Variants in WWOX observed in about 807,000 individuals in gnomAD.
The protein encoded by WWOX is WW domain containing oxidoreductase, also known as WW domain-containing oxidoreductase.
A neutral mutation model predicts 46.2 loss-of-function variants in WWOX; 69 were observed. The observed-to-expected ratio is 1.49, with a 90% confidence interval of 1.23 to 1.82. The LOEUF (loss-of-function observed/expected upper bound fraction) is 1.82. Among genes scored for constraint, WWOX ranks in the 40% most tolerant of loss-of-function variants. WWOX has a pLI of 0.00. For missense variants in WWOX, 919 were observed against 542.6 expected, an observed-to-expected ratio of 1.69 and a Z score of -6.89; for synonymous variants, 359 against 202.6, an observed-to-expected ratio of 1.77 and a Z score of -6.56.
chr16:79,071,199 T>C (rs2048543960), intron 8 of WWOX, among the ~76,000 whole-genome samples: 1 of 152,240 alleles, frequency 6.6e-6, no homozygotes, highest in Non-Finnish European at 1.5e-5. Context: ...TAAGGGGCTT[T>C]GTTGTTCAGG....
At chr16:78,969,425 C>G (rs1194098305) in intron 8 of WWOX, among the ~76,000 whole-genome samples, 1 of 152,038 alleles carries the variant, frequency 6.6e-6, no homozygotes, top group African/African-American at 2.4e-5. Context: ...GCACATGCCA[C>G]CATGCCCAGC....
chr16:79,141,612 C>T (rs182798312), intron 8 of WWOX, among the ~76,000 whole-genome samples: 208 of 152,350 alleles, frequency 1.4e-3, no homozygotes, highest in African/African-American at 4.8e-3. Flanking sequence ...CAAAAATGTC[C>T]TCCAAAGAAG....
intron 5 of WWOX, among the ~76,000 whole-genome samples, chr16:78,324,898 T>G (rs1214754840): frequency 6.6e-6 from 1 of 152,174 alleles, no homozygotes; most frequent in Non-Finnish European, 1.5e-5. Flanking sequence ...TTATACAATT[T>G]TAAATGGGTG....
At chr16:78,967,227 G>T (rs932209522) in intron 8 of WWOX, among the ~76,000 whole-genome samples, 1 of 149,960 alleles carries the variant, frequency 6.7e-6, no homozygotes, top group Non-Finnish European at 1.5e-5. Flanking sequence ...AAATCATGTT[G>T]CAAGTGGATG....
At chr16:79,017,087 G>A (rs1193087811) in intron 8 of WWOX, 2 of 152,114 alleles carry the variant, frequency 1.3e-5, no homozygotes, top group East Asian at 1.9e-4. Flanking sequence ...GTCCCTCTGT[G>A]TTCTCTAGCT....
intron 6 of WWOX, among the ~76,000 whole-genome samples, chr16:78,418,209 A>G (rs1172392535): frequency 6.6e-6 from 1 of 151,822 alleles, no homozygotes; most frequent in Non-Finnish European, 1.5e-5. Flanking sequence ...AAATACAAAA[A>G]CAAGATTAGT....
At chr16:78,218,424 A>G (rs771911695) in intron 5 of WWOX, among the ~76,000 whole-genome samples, 5 of 152,036 alleles carry the variant, frequency 3.3e-5, no homozygotes, top group African/African-American at 4.8e-5. Context: ...CAATTCATGT[A>G]AATGTGTGTA....
At chr16:79,024,726 T>A (rs2550707) in intron 8 of WWOX, among the ~76,000 whole-genome samples, 1 of 151,880 alleles carries the variant, frequency 6.6e-6, no homozygotes, top group Admixed American at 6.6e-5. Context: ...TGAGCCACCA[T>A]GCCTGGCCCT....
intron 8 of WWOX, among the ~76,000 whole-genome samples, chr16:79,124,556 C>A (rs144217573): frequency 1.2e-4 from 19 of 152,080 alleles, no homozygotes; most frequent in Non-Finnish European, 2.6e-4. Flanking sequence ...TTTTGTTATA[C>A]CCGAAGTGCA....
At chr16:79,005,266 A>G (rs4888008) in intron 8 of WWOX, among the ~76,000 whole-genome samples, 151,400 of 152,252 alleles carry the variant, frequency 0.99, 75,279 homozygotes, top group East Asian at 1. Flanking sequence ...ATCTCCAGCC[A>G]AAGTCCAAGG....
Position 79,181,755 on chromosome 16 carries a change from G to A in WWOX, c.1057-29853G>A, listed in dbSNP as rs558225689. On this transcript the variant is annotated intron_variant, in intron 8 of 8. Transcript: ENST00000566780. Reference sequence around the variant, plus strand: ...GTTCTAGAAGTGGAATTACTGGGTCGGAGGTCACAAATGGAGAGGTCTTTT... The same window carrying A: ...GTTCTAGAAGTGGAATTACTGGGTCAGAGGTCACAAATGGAGAGGTCTTTT... 6.6e-5 allele frequency among the ~76,000 whole-genome samples: 10 copies of A among 152,192 alleles called. No homozygotes were observed. In the East Asian group the frequency reaches 1.2e-3, roughly 18 times the overall value.
intron 8 of WWOX, among the ~76,000 whole-genome samples, chr16:78,942,376 T>C (rs2045869306): frequency 6.6e-6 from 1 of 152,162 alleles, no homozygotes; most frequent in African/African-American, 2.4e-5. Flanking sequence ...CCTTGCATAT[T>C]TGATACTCTC....
chr16:78,141,893 T>C (rs186251947), intron 4 of WWOX, among the ~76,000 whole-genome samples: 141 of 152,204 alleles, frequency 9.3e-4, no homozygotes, highest in Non-Finnish European at 1.6e-3. Context: ...CAGCCTGTCA[T>C]AGTTGAATCT....
At chr16:78,877,667 T>G (rs1487559413) in intron 8 of WWOX, among the ~76,000 whole-genome samples, 1 of 152,212 alleles carries the variant, frequency 6.6e-6, no homozygotes, top group African/African-American at 2.4e-5. Context: ...TCTCCTATTC[T>G]CTAGAAGAAT....
chr16:78,440,587 G>A (rs565415672), intron 8 of WWOX, among the ~76,000 whole-genome samples: 2 of 151,750 alleles, frequency 1.3e-5, no homozygotes, highest in South Asian at 4.2e-4. Context: ...GAACACAACT[G>A]CAGTTTGAAA....
intron 8 of WWOX, among the ~76,000 whole-genome samples, chr16:79,153,593 C>T (rs2050323455): frequency 6.6e-6 from 1 of 152,130 alleles, no homozygotes; most frequent in Non-Finnish European, 1.5e-5. Flanking sequence ...CAATCAGTTG[C>T]CTGTCCAAAA....
intron 8 of WWOX, among the ~76,000 whole-genome samples, chr16:78,838,716 A>C (rs1372977630): frequency 2.0e-5 from 3 of 151,990 alleles, no homozygotes; most frequent in Non-Finnish European, 4.4e-5. Context: ...GGTAGCACAC[A>C]CCTGTAATCC....
chr16:79,040,582 G>C (rs1270187135), intron 8 of WWOX, among the ~76,000 whole-genome samples: 1 of 152,124 alleles, frequency 6.6e-6, no homozygotes, highest in Non-Finnish European at 1.5e-5. Context: ...GGCCTGAGTT[G>C]ATAATTTTTG....
intron 8 of WWOX, among the ~76,000 whole-genome samples, chr16:78,468,083 C>A (rs2084124803): frequency 6.6e-6 from 1 of 152,146 alleles, no homozygotes; most frequent in African/African-American, 2.4e-5. Flanking sequence ...CTGACATTTT[C>A]TAAGTGTCCT....
Sources: gnomAD v4.1 joint callset for allele counts (sites outside exome capture counted in the v4.1 genomes callset) on GRCh38, gnomAD v4.1.1 for gene constraint, MANE v1.5 for transcripts, NCBI Gene and HGNC (gene_info 2026-07-23, HGNC 2026-07-21) for gene names.